EYS: variants seen among roughly 807,000 people sequenced by gnomAD.
EYS encodes EGF-like photoreceptor maintenance factor, also known as protein eyes shut homolog.
Under a neutral mutation model 282.1 loss-of-function variants are expected in EYS, and 250 were observed. That is an observed-to-expected ratio of 0.89 (90% confidence interval 0.80 to 0.98). EYS has a LOEUF of 0.98. Among genes scored for constraint, EYS ranks in the 50% least tolerant of loss-of-function variants. The probability of loss-of-function intolerance (pLI) is 0.00; values close to 1 mark genes in which losing one functional copy is unlikely to be tolerated. For synonymous variants in EYS, 1,355 were observed against 1,282.9 expected (o/e 1.06, Z -1.20); for missense variants, 4,016 against 3,709.0 (o/e 1.08, Z -2.15).
chr6:65,258,749 A>G (rs2150256526), intron 12 of EYS, among the ~76,000 whole-genome samples: 1 of 152,236 alleles, frequency 6.6e-6, no homozygotes, highest in South Asian at 2.1e-4. Flanking sequence ...AATGGAATGT[A>G]TACTCAGAGT....
chr6:64,378,648 A>C (rs1159647966), intron 29 of EYS, among the ~76,000 whole-genome samples: 1 of 152,208 alleles, frequency 6.6e-6, no homozygotes, highest in African/African-American at 2.4e-5. Context: ...AACCTTAAGA[A>C]GGTAGAGTCT....
At chr6:65,306,608 C>T (rs1330805709) in intron 11 of EYS, among the ~76,000 whole-genome samples, 1 of 150,788 alleles carries the variant, frequency 6.6e-6, no homozygotes, top group East Asian at 1.9e-4. Context: ...AACCATTTGC[C>T]CTTACAGAAA....
intron 41 of EYS, among the ~76,000 whole-genome samples, chr6:63,756,573 T>A (rs1769489875): frequency 6.6e-6 from 1 of 152,174 alleles, no homozygotes; most frequent in Admixed American, 6.5e-5. Context: ...TCAGGGATAT[T>A]GGCCTAAAAT....
chr6:64,030,267 G>T (rs971094193), intron 33 of EYS, among the ~76,000 whole-genome samples: 3 of 152,100 alleles, frequency 2.0e-5, no homozygotes, highest in Non-Finnish European at 4.4e-5. Context: ...GAGAAGGAGA[G>T]AGATGGAAGT....
intron 2 of EYS, among the ~76,000 whole-genome samples, chr6:65,513,494 G>T (rs1562233586): frequency 6.6e-6 from 1 of 152,038 alleles, no homozygotes; most frequent in African/African-American, 2.4e-5. Flanking sequence ...CCAAAAAAGA[G>T]AATTTTAGAC....
At chr6:65,480,476 T>C (rs1234358334) in intron 5 of EYS, among the ~76,000 whole-genome samples, 1 of 152,022 alleles carries the variant, frequency 6.6e-6, no homozygotes, top group Admixed American at 6.6e-5. Context: ...ATCACTGGAG[T>C]CAAATAATTC....
chr6:64,604,918 ATTGTT>A (rs1381138158), intron 24 of EYS, among the ~76,000 whole-genome samples: 1 of 152,060 alleles, frequency 6.6e-6, no homozygotes, highest in Non-Finnish European at 1.5e-5. Context: ...GTCAAGATGC[ATTGTT>A]TTAGAGGCAA....
chr6:64,868,078 C>G (rs1046408804), intron 19 of EYS, among the ~76,000 whole-genome samples: 1 of 151,252 alleles, frequency 6.6e-6, no homozygotes, highest in African/African-American at 2.4e-5. Flanking sequence ...ATTTCAAAAT[C>G]TTGAAAACAT....
intron 22 of EYS, among the ~76,000 whole-genome samples, chr6:64,696,784 A>T (rs1770597334): frequency 6.6e-6 from 1 of 152,220 alleles, no homozygotes. Context: ...GTTGGGCGAC[A>T]AGCAAATGCT....
At chr6:65,679,290 A>ATATGTG (rs1346180958) in intron 1 of EYS, among the ~76,000 whole-genome samples, 1 of 151,864 alleles carries the variant, frequency 6.6e-6, no homozygotes, top group Non-Finnish European at 1.5e-5. Context: ...AAAGTTGCAT[A>ATATGTG]TATGTGTATG....
intron 1 of EYS, among the ~76,000 whole-genome samples, chr6:65,688,029 T>G (rs548408841): frequency 2.6e-5 from 4 of 152,200 alleles, no homozygotes; most frequent in African/African-American, 9.6e-5. Flanking sequence ...ATAGATCCAA[T>G]GCCTCCCCAT....
At chr6:63,877,454 GT>G (rs1479867329) in intron 35 of EYS, among the ~76,000 whole-genome samples, 1 of 152,196 alleles carries the variant, frequency 6.6e-6, no homozygotes, top group East Asian at 1.9e-4. Context: ...GTGTCTTGGA[GT>G]TGCACTTCTC....
chr6:64,261,199 G>A (rs1028024512), intron 30 of EYS, among the ~76,000 whole-genome samples: 1 of 151,830 alleles, frequency 6.6e-6, no homozygotes, highest in South Asian at 2.1e-4. Context: ...TCCCAATTGG[G>A]AAAACACTCC....
chr6:64,862,238 C>T (rs563985050), intron 19 of EYS, among the ~76,000 whole-genome samples: 1 of 152,210 alleles, frequency 6.6e-6, no homozygotes, highest in African/African-American at 2.4e-5. Context: ...AAGAGTTTAT[C>T]TATGTTTTTC....
At chr6:65,084,498 C>T (rs1404997633) in intron 12 of EYS, among the ~76,000 whole-genome samples, 1 of 152,064 alleles carries the variant, frequency 6.6e-6, no homozygotes, top group Non-Finnish European at 1.5e-5. Context: ...AAATTTTATT[C>T]ATTTTACTTT....
chr6:64,209,770 T>C (rs907497966), intron 31 of EYS, among the ~76,000 whole-genome samples: 1 of 152,162 alleles, frequency 6.6e-6, no homozygotes, highest in African/African-American at 2.4e-5. Flanking sequence ...TTGTTCTTTC[T>C]TTTCTGCTTA....
chr6:64,604,596 T>C (rs1339505178), intron 24 of EYS, among the ~76,000 whole-genome samples: 1 of 152,024 alleles, frequency 6.6e-6, no homozygotes, highest in Non-Finnish European at 1.5e-5. Flanking sequence ...TAAGGATAAT[T>C]TTCTTTTTCC....
At chr6:64,098,824 C>T (rs1294548871) in intron 31 of EYS, among the ~76,000 whole-genome samples, 6 of 152,030 alleles carry the variant, frequency 3.9e-5, no homozygotes, top group Middle Eastern at 3.4e-3. Context: ...AGGCTGGTCT[C>T]GAACTCCTGA....
chr6:65,542,398 C>T (rs970634573), intron 2 of EYS, among the ~76,000 whole-genome samples: 13 of 151,292 alleles, frequency 8.6e-5, no homozygotes, highest in African/African-American at 2.4e-4. Flanking sequence ...TTTAAAATAC[C>T]TAATATTCTT....
Sources: gnomAD v4.1 joint callset for allele counts (sites outside exome capture counted in the v4.1 genomes callset) on GRCh38, gnomAD v4.1.1 for gene constraint, MANE v1.5 for transcripts, NCBI Gene and HGNC (gene_info 2026-07-23, HGNC 2026-07-21) for gene names.